ZNF146: variants seen among roughly 807,000 people sequenced by gnomAD.
ZNF146 encodes zinc finger protein OZF.
In ZNF146, 9 loss-of-function variants were observed where a neutral mutation model predicts 22.2. The observed-to-expected ratio is 0.41, with a 90% CI of 0.24 to 0.71. ZNF146 has a LOEUF of 0.71. Ranked by LOEUF, ZNF146 falls within the 30% of genes least tolerant of loss-of-function variation. The probability of loss-of-function intolerance (pLI) is 0.34; values close to 1 mark genes in which losing one functional copy is unlikely to be tolerated. For missense variants in ZNF146, 194 were observed against 344.8 expected (o/e 0.56, Z 3.46); for synonymous variants, 108 against 119.2 (o/e 0.91, Z 0.61).
At chr19:36,224,066 G>A (rs1350182230) in intron 2 of ZNF146, among the ~76,000 whole-genome samples, 2 of 151,994 alleles carry the variant, frequency 1.3e-5, no homozygotes, top group African/African-American at 2.4e-5. Flanking sequence ...TGGCTACCAC[G>A]TTCTTTGACA....
At chr19:36,230,660 A>G (rs1222069990) in intron 3 of ZNF146, among the ~76,000 whole-genome samples, 1 of 152,176 alleles carries the variant, frequency 6.6e-6, no homozygotes, top group Non-Finnish European at 1.5e-5. Context: ...TGTTCAGAGA[A>G]TAGTGATCAG....
intron 2 of ZNF146, among the ~76,000 whole-genome samples, chr19:36,223,614 C>T (rs1184009007): frequency 6.6e-6 from 1 of 152,060 alleles, no homozygotes; most frequent in African/African-American, 2.4e-5. Flanking sequence ...CCGCCCGCCT[C>T]GGCCCTCCAA....
rs888532390 is a variant in ZNF146 at position 36,238,765 on chromosome 19, A to G, written c.*1446A>G. 1 of 167,108 alleles carries G rather than the reference A, an allele frequency of 6.0e-6. No homozygotes were observed. Among genetic ancestry groups the G allele is most frequent in the Non-Finnish European group, 1.5e-5 (1 of 68,124 alleles). 10.4% of individuals were successfully genotyped at this position (167,108 alleles called of 1,614,324 possible). A position where few individuals can be genotyped will look rare whatever the true frequency, so the allele number is the denominator to read the frequency against. On this transcript the variant is annotated 3_prime_UTR_variant, in exon 4 of 4. Coordinates refer to ENST00000443387, the MANE Select transcript of ZNF146 (RefSeq NM_007145.3). ...TTTTATTAAAATTTAAAAGGACAGC[A>G]CAATCCAAATCTGTTTTAATTATTT...
At chr19:36,216,395 C>G (rs934590757) in intron 1 of ZNF146, among the ~76,000 whole-genome samples, 16 of 152,022 alleles carry the variant, frequency 1.1e-4, no homozygotes, top group Admixed American at 1.0e-3. Context: ...AATCCTAGCA[C>G]TTTGGGAGGC....
At position 36,237,419 on chromosome 19, in the gene ZNF146, A is replaced by G; in HGVS notation, c.*100A>G. 7.0e-7 allele frequency: 1 copy of G among 1,420,890 alleles called. No homozygotes were observed. The highest frequency in any genetic ancestry group is 9.4e-7 in the Non-Finnish European group (1 of 1,066,248). 88.0% of individuals were successfully genotyped at this position (1,420,890 alleles called of 1,614,324 possible). A position where few individuals can be genotyped will look rare whatever the true frequency, so the allele number is the denominator to read the frequency against. On this transcript the variant is annotated 3_prime_UTR_variant, in exon 4 of 4. Transcript: ENST00000443387. ...CTTCTGAAGCAAAGCACCACGAATG[A>G]GGTTAACTTTAACAAGTACTAAAAA...
intron 2 of ZNF146, among the ~76,000 whole-genome samples, 191 bp downstream of exon 2, chr19:36,218,386 A>AG (rs1976700824): frequency 6.6e-6 from 1 of 152,160 alleles, no homozygotes; most frequent in African/African-American, 2.4e-5. Flanking sequence ...TGCAAAAAAA[A>AG]TGCTTCCTCA....
chr19:36,229,943 C>A (rs1207808102), intron 3 of ZNF146, among the ~76,000 whole-genome samples: 1 of 152,242 alleles, frequency 6.6e-6, no homozygotes, highest in African/African-American at 2.4e-5. Context: ...TGGTCTCCAA[C>A]TCCTATCCTC....
intron 2 of ZNF146, among the ~76,000 whole-genome samples, chr19:36,223,091 C>T (rs1976922932): frequency 6.6e-6 from 1 of 151,448 alleles, no homozygotes; most frequent in South Asian, 2.1e-4. Flanking sequence ...ACAGGCAGTG[C>T]ACCACCATGC....
At chr19:36,232,914 T>A (rs1977450056) in intron 3 of ZNF146, among the ~76,000 whole-genome samples, 1 of 152,238 alleles carries the variant, frequency 6.6e-6, no homozygotes, top group African/African-American at 2.4e-5. Context: ...GAACATTTTT[T>A]AAATATAACA....
chr19:36,221,884 T>A (rs1251834893), intron 2 of ZNF146, among the ~76,000 whole-genome samples: 4 of 151,870 alleles, frequency 2.6e-5, no homozygotes, highest in Non-Finnish European at 5.9e-5. Flanking sequence ...CTCACTTTCT[T>A]TAATAACAGT....
upstream of ZNF146, chr19:36,214,958 C>T (rs911933062): frequency 8.5e-5 from 13 of 152,716 alleles, no homozygotes; most frequent in Admixed American, 5.2e-4. Context: ...AGAGAGTCGA[C>T]CAGTAAAGCC....
At position 36,222,194 on chromosome 19, in the gene ZNF146, G is replaced by T. The variant is rs117997528; in HGVS notation, c.-855+3999G>T. ...CTCTCTTGGCTTCCCAAAGTGTTGG[G>T]ATTACAAGTGTGAGCCACTGCACCC... On this transcript the variant is annotated intron_variant, in intron 2 of 3. Transcript: ENST00000443387. 2.5e-3 allele frequency among the ~76,000 whole-genome samples: 387 copies of T among 152,150 alleles called. 10 individuals are homozygous for T. The East Asian group carries it at 0.066, about 26-fold the overall frequency.
intron 2 of ZNF146, among the ~76,000 whole-genome samples, chr19:36,224,794 G>A (rs1268956868): frequency 6.6e-6 from 1 of 152,066 alleles, no homozygotes; most frequent in African/African-American, 2.4e-5. Context: ...CTTTATGTAC[G>A]TGATACGTAT....
At chr19:36,227,216 CT>C (rs1977108735) in intron 2 of ZNF146, among the ~76,000 whole-genome samples, 1 of 151,548 alleles carries the variant, frequency 6.6e-6, no homozygotes. Flanking sequence ...TGGTGAAACC[CT>C]GTCTCTACTA....
chr19:36,219,402 G>A (rs1234244470), intron 2 of ZNF146, among the ~76,000 whole-genome samples: 1 of 152,124 alleles, frequency 6.6e-6, no homozygotes, highest in African/African-American at 2.4e-5. Flanking sequence ...CTGTGTTTGA[G>A]TTATGTTTAT....
rs532671039 is a variant in ZNF146, at chr19:36,237,218, A to C, written c.778A>C (p.Arg260=). The part of the protein sequence containing the change: ...SQFSTLALHL[R]IHTGKKPYQC... ...GTTCTCAACCCTTGCTCTGCATTTG[A>C]GAATACACACAGGTAAGAAGCCTTA... is the stretch of plus-strand genomic sequence containing the variant. The change falls in exon 4 of 4, where the codon AGA becomes CGA. Residue 260 remains arginine (R), a synonymous_variant. Transcript: ENST00000443387. 220 of 1,614,152 alleles carry C rather than the reference A, an allele frequency of 1.4e-4. 2 individuals are homozygous for C. In the South Asian group the frequency reaches 2.2e-3, roughly 16 times the overall value.
chr19:36,218,146 C>T lies in ZNF146; in HGVS notation c.-904C>T, dbSNP rs1976691938. On this transcript the variant is annotated 5_prime_UTR_variant, in exon 2 of 4. Transcript: ENST00000443387. ...GGAAGACATAGGCCAAGGAGCCAGACTTCCTGTGTTAACTCCTTCCTCTGC... is the reference window on the plus strand; with the variant it reads ...GGAAGACATAGGCCAAGGAGCCAGATTTCCTGTGTTAACTCCTTCCTCTGC... The T allele has an allele frequency of 6.9e-6, 1 of 144,202 alleles. No individual in the cohort carries two copies. Among genetic ancestry groups the T allele is most frequent in the Non-Finnish European group, 1.5e-5 (1 of 66,968 alleles). 8.9% of individuals were successfully genotyped at this position (144,202 alleles called of 1,614,324 possible).
Position 36,236,350 on chromosome 19 carries a change from T to G in ZNF146, c.-91T>G. ...AGAAGCCTTATAAATGTAAGAGATG[T>G]GGAAATATCTTCAGCCAAAAGTAAA... is the stretch of plus-strand genomic sequence containing the variant. On this transcript the variant is annotated 5_prime_UTR_variant, in exon 4 of 4. Transcript: ENST00000443387. 6.9e-7 allele frequency: 1 copy of G among 1,441,856 alleles called. No individual in the cohort carries two copies. The highest frequency in any genetic ancestry group is 9.3e-7 in the Non-Finnish European group (1 of 1,071,276). The allele number at this position is 1,441,856 out of a possible 1,614,324, so 89.3% of individuals were successfully genotyped here.
chr19:36,232,031 C>T (rs924223786), intron 3 of ZNF146, among the ~76,000 whole-genome samples: 2 of 151,874 alleles, frequency 1.3e-5, no homozygotes, highest in East Asian at 1.9e-4. Context: ...GGTAAAACCC[C>T]GTTTCTATTA....
Sources: allele counts gnomAD v4.1 joint callset (sites outside exome capture counted in the v4.1 genomes callset), GRCh38; gene constraint gnomAD v4.1.1; transcripts MANE v1.5; gene names NCBI Gene and HGNC (gene_info 2026-07-23, HGNC 2026-07-21).